POLR2E: variants seen among roughly 807,000 people sequenced by gnomAD.
POLR2E encodes the protein DNA-directed RNA polymerases I, II, and III subunit RPABC1.
POLR2E carries 35 observed loss-of-function variants against 29.8 expected under a neutral mutation model. The ratio of observed to expected loss-of-function variants is 1.17; its 90% CI spans 0.90 to 1.55. POLR2E has a LOEUF of 1.55. Ranked by LOEUF, POLR2E falls within the 40% of genes most tolerant of loss-of-function variation. The probability of loss-of-function intolerance (pLI) is 0.00; values close to 1 mark genes in which losing one functional copy is unlikely to be tolerated. For synonymous variants in POLR2E, 174 were observed against 112.6 expected (o/e 1.55, Z -3.45); for missense variants, 287 against 288.6 (o/e 0.99, Z 0.04).
chr19:1,094,853 AACC>A, intron 1 of POLR2E: 1 of 205,318 alleles, frequency 4.9e-6, no homozygotes. Flanking sequence ...GCTGCTTCCC[AACC>A]ACCAACTCTG....
In POLR2E at chr19:1,091,902, G is replaced by C; in HGVS notation, c.238C>G (p.Pro80Ala). 6.2e-7 allele frequency: 1 copy of C among 1,608,436 alleles called. No homozygotes were observed. Among genetic ancestry groups the C allele is most frequent in the Non-Finnish European group, 8.5e-7 (1 of 1,176,008 alleles). ...TTGATGGTCTTGATGCCCACCTTGG[G>C]CTCCTCTGCAGACAGAGAGTGTGCT... ...DQMFVFFPEE[P>A]KVGIKTIKVY... Residue 80 changes from proline (P) to alanine (A), a missense_variant, in exon 3 of 8, where the codon CCC becomes GCC. By Grantham distance (27) the Pro-to-Ala change is conservative. Coordinates refer to ENST00000615234, the MANE Select transcript of POLR2E (RefSeq NM_002695.5).
Position 1,088,478 on chromosome 19 carries a change from C to G in POLR2E, c.*257G>C, listed in dbSNP as rs979316036. 3 of 152,302 alleles carry G rather than the reference C, an allele frequency of 2.0e-5. No homozygotes were observed. The highest frequency in any genetic ancestry group is 7.2e-5 in the African/African-American group (3 of 41,458). The allele number at this position is 152,302 out of a possible 1,614,324, so 9.4% of individuals were successfully genotyped here. ...GTGAAGACCCGGCACCAGCTGCCCC[C>G]AGGTGACCTCCCTCTGGGGGCCTTG... On this transcript the variant is annotated 3_prime_UTR_variant, in exon 8 of 8. Coordinates refer to ENST00000615234, the MANE Select transcript of POLR2E (RefSeq NM_002695.5).
chr19:1,094,375 G>A (rs1413417347), intron 1 of POLR2E: 1 of 402,014 alleles, frequency 2.5e-6, no homozygotes, highest in Non-Finnish European at 4.4e-6. Flanking sequence ...ACTTTGCAGA[G>A]CTACCCTAAA....
Position 1,087,050 on chromosome 19 carries a change from G to C in POLR2E, c.*1685C>G, listed in dbSNP as rs747637114. 1 of 151,686 alleles carries C rather than the reference G, an allele frequency of 6.6e-6. No individual in the cohort carries two copies. Among genetic ancestry groups the C allele is most frequent in the Non-Finnish European group, 1.5e-5 (1 of 67,958 alleles). The allele number at this position is 151,686 out of a possible 1,614,324, so 9.4% of individuals were successfully genotyped here. On this transcript the variant is annotated 3_prime_UTR_variant, in exon 8 of 8. Transcript: ENST00000615234. ...CTGTGGCCCAGGCTGGAGTACAGGA[G>C]CACAATCGTAGCTCACTGCAGCCTC... is the stretch of plus-strand genomic sequence containing the variant.
In POLR2E at chr19:1,087,830, A is replaced by C. The variant is rs1364933371; in HGVS notation, c.*905T>G. On this transcript the variant is annotated 3_prime_UTR_variant, in exon 8 of 8. Coordinates refer to ENST00000615234, the MANE Select transcript of POLR2E (RefSeq NM_002695.5). ...CATCTTAATAAAGCTACTGTGAGAG[A>C]ACCACGTGGCTAGGTTAAACTTGGG... is the stretch of plus-strand genomic sequence containing the variant. The C allele has an allele frequency of 6.6e-6, 1 of 152,306 alleles. No homozygotes were observed. Among genetic ancestry groups the C allele is most frequent in the Non-Finnish European group, 1.5e-5 (1 of 68,022 alleles). 9.4% of individuals were successfully genotyped at this position (152,306 alleles called of 1,614,324 possible). A position where few individuals can be genotyped will look rare whatever the true frequency, so the allele number is the denominator to read the frequency against.
Position 1,090,897 on chromosome 19 carries a change from C to A in POLR2E, c.429+11G>T, listed in dbSNP as rs369222499. 10 of 1,610,160 alleles carry A rather than the reference C, an allele frequency of 6.2e-6. No individual in the cohort carries two copies. Among genetic ancestry groups the A allele is most frequent in the African/African-American group, 1.3e-5 (1 of 74,886 alleles). On this transcript the variant is annotated intron_variant, in intron 4 of 7. Transcript: ENST00000615234. ...GCCCCACGCAGGCGGGATTCCGCGG[C>A]GCGCGCCCACCTCGTGCTCCGTGAT...
Position 1,089,956 on chromosome 19 carries a change from G to C in POLR2E, c.495C>G (p.Leu165=), listed in dbSNP as rs1219008207. The part of the protein sequence containing the change: ...EVTELLARYK[L]RENQLPRIQA... ...GGATCCTGGGCAGCTGGTTCTCTCG[G>C]AGCTTACTGCGAAGCACCGTCAGGA... is the stretch of plus-strand genomic sequence containing the variant. Residue 165 remains leucine (L), a synonymous_variant, in exon 6 of 8, where the codon CTC becomes CTG. Coordinates refer to ENST00000615234, the MANE Select transcript of POLR2E (RefSeq NM_002695.5). 1 of 1,612,690 alleles carries C rather than the reference G, an allele frequency of 6.2e-7. No individual in the cohort carries two copies. The highest frequency in any genetic ancestry group is 2.2e-5 in the East Asian group (1 of 44,878).
Position 1,087,931 on chromosome 19 carries a change from C to T in POLR2E, c.*804G>A, listed in dbSNP as rs1002088667. 2 of 152,306 alleles carry T rather than the reference C, an allele frequency of 1.3e-5. No homozygotes were observed. Among genetic ancestry groups the T allele is most frequent in the African/African-American group, 4.8e-5 (2 of 41,446 alleles). 9.4% of individuals were successfully genotyped at this position (152,306 alleles called of 1,614,324 possible). ...AGATCCCAAACGTCTGTAAGAGGAA[C>T]TGGCCGCAAACCACAGCTGCACAAG... is the stretch of plus-strand genomic sequence containing the variant. On this transcript the variant is annotated 3_prime_UTR_variant, in exon 8 of 8. Transcript: ENST00000615234.
intron 2 of POLR2E, 36 bp from the exon 3 acceptor site, chr19:1,091,943 G>C: frequency 6.8e-7 from 1 of 1,466,890 alleles, no homozygotes; most frequent in Non-Finnish European, 9.5e-7. Flanking sequence ...GCACGAGCCT[G>C]GGCCCTCGTG....
Position 1,089,565 on chromosome 19 carries a change from G to C in POLR2E, c.568-14C>G, listed in dbSNP as rs199507033. The C allele has an allele frequency of 1.9e-6, 3 of 1,611,750 alleles. No homozygotes were observed. Among genetic ancestry groups the C allele is most frequent in the Admixed American group, 1.7e-5 (1 of 60,018 alleles). Reference sequence around the variant, plus strand: ...GATCTTCACCACCTGCAGAGACAGAGAGCAGGGGCTGCGAATGCTTGAGGG... The same window carrying C: ...GATCTTCACCACCTGCAGAGACAGACAGCAGGGGCTGCGAATGCTTGAGGG... On this transcript the variant is annotated splice_polypyrimidine_tract_variant and intron_variant, in intron 6 of 7. Transcript: ENST00000615234.
rs761171934 is a variant in POLR2E at position 1,095,332 on chromosome 19, G to A, written c.-17C>T. On this transcript the variant is annotated 5_prime_UTR_variant, in exon 1 of 8. Coordinates refer to ENST00000615234, the MANE Select transcript of POLR2E (RefSeq NM_002695.5). ...GTCGTCCATGGCAGCCTCCGCCGCCGCCGCCGCTCGCACCCCTTCTCCGCG... is the reference window on the plus strand; with the variant it reads ...GTCGTCCATGGCAGCCTCCGCCGCCACCGCCGCTCGCACCCCTTCTCCGCG... 3 of 1,612,156 alleles carry A rather than the reference G, an allele frequency of 1.9e-6. No individual in the cohort carries two copies. Among genetic ancestry groups the A allele is most frequent in the Middle Eastern group, 3.3e-4 (2 of 6,056 alleles).
rs1466964771 is a variant in POLR2E at position 1,088,668 on chromosome 19, C to T, written c.*67G>A. ...CTGTGGGGGCCGGATTCTGGCAGGG[C>T]AGGGGCGTTTGTCCTGCAGGGATGG... is the stretch of plus-strand genomic sequence containing the variant. On this transcript the variant is annotated 3_prime_UTR_variant, in exon 8 of 8. Coordinates refer to ENST00000615234, the MANE Select transcript of POLR2E (RefSeq NM_002695.5). 3 of 152,502 alleles carry T rather than the reference C, an allele frequency of 2.0e-5. No homozygotes were observed. In the Admixed American group the frequency reaches 2.0e-4, roughly 10 times the overall value. The allele number at this position is 152,502 out of a possible 1,614,324, so 9.4% of individuals were successfully genotyped here. A position where few individuals can be genotyped will look rare whatever the true frequency, so the allele number is the denominator to read the frequency against.
rs370428425 is a variant in POLR2E at position 1,090,977 on chromosome 19, G to A, written c.360C>T (p.Asp120=). Reference sequence around the variant, plus strand: ...GCTCCAGGATGTACTTGGGGGCCATGTCGACCAGGGACTGGAAGAGAGCGG... The same window carrying A: ...GCTCCAGGATGTACTTGGGGGCCATATCGACCAGGGACTGGAAGAGAGCGG... ...MTPSAKQSLV[D]MAPKYILEQF... Residue 120 remains aspartate (D), a synonymous_variant, in exon 4 of 8, where the codon GAC becomes GAT. Coordinates refer to ENST00000615234, the MANE Select transcript of POLR2E (RefSeq NM_002695.5). 5 of 1,613,518 alleles carry A rather than the reference G, an allele frequency of 3.1e-6. No homozygotes were observed. The highest frequency in any genetic ancestry group is 4.2e-6 in the Non-Finnish European group (5 of 1,179,958).
rs369309356 is a variant in POLR2E, at chr19:1,090,090, C to T, written c.485G>A (p.Arg162Gln). The T allele has an allele frequency of 1.2e-6, 2 of 1,612,306 alleles. No homozygotes were observed. The highest frequency in any genetic ancestry group is 1.7e-5 in the Admixed American group (1 of 60,002). ...TKEEVTELLA[R>Q]YKLRENQLPR... ...CCGGTGGGGCTGGAAAGGATACTATCGGGCCAGCAGCTCTGTCACCTCCTC... is the reference window on the plus strand; with the variant it reads ...CCGGTGGGGCTGGAAAGGATACTATTGGGCCAGCAGCTCTGTCACCTCCTC... The change falls in exon 5 of 8, where the codon CGA becomes CAA. Residue 162 changes from arginine to glutamine, a missense_variant. Physicochemically the swap from Arg to Gln is conservative, Grantham distance 43 (BLOSUM62 1). Coordinates refer to ENST00000615234, the MANE Select transcript of POLR2E (RefSeq NM_002695.5).
chr19:1,094,985 T>A, intron 1 of POLR2E: 31 of 331,138 alleles, frequency 9.4e-5, no homozygotes, highest in East Asian at 3.2e-4. Context: ...GGCTTCCTCC[T>A]CCTCTCGCCG....
rs768065417 is a variant in POLR2E, at chr19:1,095,289, C to T, written c.27G>A (p.Arg9=). 1 of 1,613,304 alleles carries T rather than the reference C, an allele frequency of 6.2e-7. No individual in the cohort carries two copies. The highest frequency in any genetic ancestry group is 1.3e-5 in the African/African-American group (1 of 75,044). MDDEEETY[R]LWKIRKTIMQ... The stretch of plus-strand genomic sequence containing the variant: ...TGATGGTCTTGCGGATTTTCCAGAG[C>T]CGGTACGTCTCCTCCTCGTCGTCCA... Residue 9 remains arginine (R), a synonymous_variant, in exon 1 of 8, where the codon CGG becomes CGA. Transcript: ENST00000615234.
Position 1,088,030 on chromosome 19 carries a change from T to G in POLR2E, c.*705A>C, listed in dbSNP as rs1306056472. On this transcript the variant is annotated 3_prime_UTR_variant, in exon 8 of 8. Coordinates refer to ENST00000615234, the MANE Select transcript of POLR2E (RefSeq NM_002695.5). ...TCACGCCTTACCCAGGAGCACGAAG[T>G]GGGAGGGCAGGGCGAGGGCCTGGGG... The G allele has an allele frequency of 6.6e-6, 1 of 150,658 alleles. No individual in the cohort carries two copies. Among genetic ancestry groups the G allele is most frequent in the Non-Finnish European group, 1.5e-5 (1 of 68,054 alleles). 9.3% of individuals were successfully genotyped at this position (150,658 alleles called of 1,614,324 possible). A position where few individuals can be genotyped will look rare whatever the true frequency, so the allele number is the denominator to read the frequency against.
At chr19:1,094,641 G>A (rs959249398) in intron 1 of POLR2E, 2 of 156,960 alleles carry the variant, frequency 1.3e-5, no homozygotes, top group African/African-American at 4.8e-5. Flanking sequence ...GGGCTTCGCT[G>A]AGGACAAGGG....
intron 3 of POLR2E, 90 bp from the exon 4 acceptor site, chr19:1,091,078 T>C: frequency 8.7e-7 from 1 of 1,144,292 alleles, no homozygotes; most frequent in Non-Finnish European, 1.3e-6. Flanking sequence ...GGCTTACTCG[T>C]GTGCCCCAAC....
Sources: gnomAD v4.1 joint callset for allele counts on GRCh38, gnomAD v4.1.1 for gene constraint, MANE v1.5 for transcripts, NCBI Gene and HGNC (gene_info 2026-07-23, HGNC 2026-07-21) for gene names.